Variants in PIK3C2G observed in about 807,000 individuals in gnomAD.
PIK3C2G encodes the protein phosphatidylinositol-4-phosphate 3-kinase catalytic subunit type 2 gamma.
Under a neutral mutation model 181.1 loss-of-function variants are expected in PIK3C2G, and 168 were observed. The observed-to-expected ratio is 0.93, with a 90% confidence interval of 0.82 to 1.05. The LOEUF (loss-of-function observed/expected upper bound fraction) is 1.05, where lower values mean the gene tolerates loss of function less well. Ranked by LOEUF, PIK3C2G falls within the 50% of genes least tolerant of loss-of-function variation. PIK3C2G has a pLI of 0.00. For missense variants in PIK3C2G, 1,869 were observed against 1,732.8 expected (o/e 1.08, Z -1.40); for synonymous variants, 573 against 592.2 (o/e 0.97, Z 0.47).
intron 30 of PIK3C2G, 74 bp from the exon 31 acceptor site, chr12:18,609,461 G>A (rs1948222905): frequency 1.2e-6 from 1 of 803,504 alleles, no homozygotes; most frequent in East Asian, 2.7e-5. Context: ...TCCTGTTTTA[G>A]TTTTTAAATG....
chr12:18,425,355 CTT>C (rs1296106974), intron 18 of PIK3C2G, among the ~76,000 whole-genome samples: 1 of 111,510 alleles, frequency 9.0e-6, no homozygotes, highest in Non-Finnish European at 1.9e-5. Flanking sequence ...AAATGGGTTG[CTT>C]TTTTTCTCTA....
At chr12:18,281,039 C>T (rs1949191220) in intron 1 of PIK3C2G, among the ~76,000 whole-genome samples, 1 of 151,688 alleles carries the variant, frequency 6.6e-6, no homozygotes, top group Admixed American at 6.6e-5. Context: ...GGAATAAGAG[C>T]AGATTCTTGG....
In PIK3C2G at chr12:18,562,731, C is replaced by A; in HGVS notation, c.3619C>A (p.Pro1207Thr). ...AATAAAGGAAAGTCTGGAGTGTTTC[C>A]CTGTTAAATTGAATAACTTGATCCA... ...KKIKESLECF[P>T]VKLNNLIHTL... The change falls in exon 27 of 33, where the codon CCT becomes ACT. Residue 1207 changes from proline (P) to threonine (T), a missense_variant. By Grantham distance (38) the Pro-to-Thr change is conservative. Transcript: ENST00000538779. 1.2e-6 allele frequency: 2 copies of A among 1,602,262 alleles called. No individual in the cohort carries two copies. Among genetic ancestry groups the A allele is most frequent in the Non-Finnish European group, 1.7e-6 (2 of 1,173,184 alleles).
rs762092026 is a variant in PIK3C2G, at chr12:18,503,329, G to A, written c.3065G>A (p.Arg1022His). The change falls in exon 23 of 33, where the codon CGC (arginine) becomes CAC (histidine). Residue 1022 changes from arginine to histidine, a missense_variant. Coordinates refer to ENST00000538779, the MANE Select transcript of PIK3C2G (RefSeq NM_001288772.2). ...PDAVTLAKIH[R>H]HSGLIGPLKE... ...GCTGTGACCCTAGCAAAGATTCATCGCCATTCTGGACTGATAGGACCATTG... is the reference window on the plus strand; with the variant it reads ...GCTGTGACCCTAGCAAAGATTCATCACCATTCTGGACTGATAGGACCATTG... 28 of 1,611,404 alleles carry A rather than the reference G, an allele frequency of 1.7e-5. No homozygotes were observed. Among genetic ancestry groups the A allele is most frequent in the Admixed American group, 1.7e-4 (10 of 59,848 alleles).
intron 19 of PIK3C2G, among the ~76,000 whole-genome samples, chr12:18,489,034 A>C (rs1940318915): frequency 6.6e-6 from 1 of 152,164 alleles, no homozygotes; most frequent in Admixed American, 6.5e-5. Flanking sequence ...AAGATGAATT[A>C]AATGAAATAA....
chr12:18,263,497 T>C (rs1171746770), intron 1 of PIK3C2G, among the ~76,000 whole-genome samples: 1 of 152,180 alleles, frequency 6.6e-6, no homozygotes, highest in Non-Finnish European at 1.5e-5. Context: ...AGATTACTAT[T>C]ACTTCCATTA....
rs949729270 is a variant in PIK3C2G at position 18,391,398 on chromosome 12, A to G, written c.2126+146A>G. ...CTGATGTCATGCTTCTTGGATGGTT[A>G]ATTAATGTTTAGGACGTAAATAAGT... On this transcript the variant is annotated intron_variant, in intron 15 of 32. Transcript: ENST00000538779. The G allele has an allele frequency of 7.4e-6, 4 of 539,306 alleles. No individual in the cohort carries two copies. In the Middle Eastern group the frequency reaches 8.5e-4, roughly 114 times the overall value. 33.4% of individuals were successfully genotyped at this position (539,306 alleles called of 1,614,324 possible).
At chr12:18,252,605 G>C (rs1225910267) in intron 1 of PIK3C2G, among the ~76,000 whole-genome samples, 1 of 152,190 alleles carries the variant, frequency 6.6e-6, no homozygotes, top group Non-Finnish European at 1.5e-5. Context: ...CAGGAATGTA[G>C]TTGAAGGACA....
At chr12:18,531,584 T>G (rs1943556137) in intron 24 of PIK3C2G, among the ~76,000 whole-genome samples, 1 of 152,162 alleles carries the variant, frequency 6.6e-6, no homozygotes, top group Non-Finnish European at 1.5e-5. Context: ...CTGTTCTCAA[T>G]TCCTATGTTT....
intron 18 of PIK3C2G, among the ~76,000 whole-genome samples, chr12:18,486,179 G>A (rs1237577987): frequency 6.6e-6 from 1 of 152,130 alleles, no homozygotes; most frequent in African/African-American, 2.4e-5. Flanking sequence ...TGAGTAAAAA[G>A]CCATGGATCT....
chr12:18,292,020 C>T (rs1475699568), intron 4 of PIK3C2G, among the ~76,000 whole-genome samples: 1 of 150,738 alleles, frequency 6.6e-6, no homozygotes, highest in South Asian at 2.1e-4. Flanking sequence ...ATCAGCCTGA[C>T]CAACATGGAG....
chr12:18,443,616 A>G (rs1041635280), intron 18 of PIK3C2G, among the ~76,000 whole-genome samples: 2 of 152,192 alleles, frequency 1.3e-5, no homozygotes, highest in Non-Finnish European at 2.9e-5. Flanking sequence ...TTAAAAAGTT[A>G]AAATTTTGGT....
At chr12:18,472,656 A>G (rs1367732274) in intron 18 of PIK3C2G, among the ~76,000 whole-genome samples, 3 of 152,080 alleles carry the variant, frequency 2.0e-5, no homozygotes, top group African/African-American at 7.2e-5. Flanking sequence ...CTTGGCTTCA[A>G]TTGTTGCCCC....
At chr12:18,563,864 G>C (rs903367763) in intron 28 of PIK3C2G, among the ~76,000 whole-genome samples, 2 of 151,116 alleles carry the variant, frequency 1.3e-5, no homozygotes, top group Non-Finnish European at 3.0e-5. Flanking sequence ...GAAGAAAATT[G>C]GATATGTTTA....
intron 13 of PIK3C2G, among the ~76,000 whole-genome samples, chr12:18,374,239 C>T (rs1228945396): frequency 6.6e-6 from 1 of 152,084 alleles, no homozygotes; most frequent in African/African-American, 2.4e-5. Context: ...GAGTTTAAAA[C>T]CTTGAAAAAT....
chr12:18,282,807 TTCA>T, intron 2 of PIK3C2G, 48 bp downstream of exon 2: 2 of 1,221,840 alleles, frequency 1.6e-6, no homozygotes, highest in Non-Finnish European at 2.3e-6. Flanking sequence ...GAAAGAATCA[TTCA>T]ATAATGTATT....
chr12:18,608,263 T>C (rs1484781986), intron 30 of PIK3C2G, among the ~76,000 whole-genome samples: 38 of 152,042 alleles, frequency 2.5e-4, no homozygotes, highest in Admixed American at 2.4e-3. Flanking sequence ...CACACGTATG[T>C]TTATTGCGGC....
the PIK3C2G span, among the ~76,000 whole-genome samples, chr12:18,683,005 AGG>A: frequency 6.6e-6 from 1 of 152,052 alleles, no homozygotes; most frequent in Non-Finnish European, 1.5e-5. Context: ...CAGCAGCAGA[AGG>A]GCAGGAGAAA....
At chr12:18,483,902 G>T (rs1351456449) in intron 18 of PIK3C2G, among the ~76,000 whole-genome samples, 1 of 152,088 alleles carries the variant, frequency 6.6e-6, no homozygotes, top group Admixed American at 6.6e-5. Context: ...GGCTCCACCT[G>T]ACTGTGCATC....
Sources: gnomAD v4.1 joint callset for allele counts (sites outside exome capture counted in the v4.1 genomes callset) on GRCh38, gnomAD v4.1.1 for gene constraint, MANE v1.5 for transcripts, NCBI Gene and HGNC (gene_info 2026-07-23, HGNC 2026-07-21) for gene names.